CHD9: variants seen among roughly 807,000 people sequenced by gnomAD.
CHD9 encodes the protein chromodomain helicase DNA binding protein 9, also known as ATP-dependent chromatin remodeler CHD9.
CHD9 carries 77 observed loss-of-function variants against 316.1 expected under a neutral mutation model. The observed-to-expected ratio is 0.24, with a 90% CI of 0.20 to 0.29. The LOEUF is 0.29. CHD9 is among the 10% of genes least tolerant of loss of function. CHD9 has a pLI of 1.00. For synonymous variants in CHD9, 1,129 were observed against 1,158.3 expected (o/e 0.97, Z 0.51); for missense variants, 2,763 against 3,438.1 (o/e 0.80, Z 4.91).
At chr16:53,301,767 CTT>C (rs199846098) in intron 30 of CHD9, among the ~76,000 whole-genome samples, 46 of 126,208 alleles carry the variant, frequency 3.6e-4, no homozygotes, top group Middle Eastern at 4.0e-3. Context: ...TCTTTTTTTT[CTT>C]TTTTTTTTTT....
chr16:53,255,976 A>G (rs773459460), intron 19 of CHD9, among the ~76,000 whole-genome samples, 197 bp downstream of exon 19: 2 of 152,220 alleles, frequency 1.3e-5, no homozygotes, highest in Non-Finnish European at 1.5e-5. Flanking sequence ...GTGAAACAGA[A>G]TAAATGTAAT....
At chr16:53,113,175 C>T (rs1024324562) in intron 1 of CHD9, among the ~76,000 whole-genome samples, 5 of 152,004 alleles carry the variant, frequency 3.3e-5, no homozygotes, top group African/African-American at 1.2e-4. Context: ...CAGAGCGAGA[C>T]CTTGTCTCAG....
chr16:53,197,847 G>A (rs549268078), intron 2 of CHD9, among the ~76,000 whole-genome samples: 3 of 151,996 alleles, frequency 2.0e-5, no homozygotes, highest in South Asian at 4.2e-4. Flanking sequence ...TAGTAGACAC[G>A]GGGTTTCACC....
intron 2 of CHD9, among the ~76,000 whole-genome samples, chr16:53,180,868 G>C (rs1597320442): frequency 6.6e-6 from 1 of 151,422 alleles, no homozygotes; most frequent in African/African-American, 2.4e-5. Context: ...ATGGAGACGG[G>C]GTTTCACCGT....
Position 53,156,089 on chromosome 16 carries a change from G to T in CHD9, c.-1G>T. On this transcript the variant is annotated 5_prime_UTR_variant, in exon 2 of 39. Coordinates refer to ENST00000447540, the MANE Select transcript of CHD9 (RefSeq NM_001308319.2). ...GCCCGGATTGTTACAGAATTTTCAA[G>T]ATGACAGATCCAATGATGGACTTTT... 1 of 1,609,454 alleles carries T rather than the reference G, an allele frequency of 6.2e-7. No homozygotes were observed. The highest frequency in any genetic ancestry group is 8.5e-7 in the Non-Finnish European group (1 of 1,177,424).
chr16:53,198,707 CA>C (rs1405789257), intron 2 of CHD9, among the ~76,000 whole-genome samples: 1 of 152,196 alleles, frequency 6.6e-6, no homozygotes, highest in African/African-American at 2.4e-5. Flanking sequence ...AACGGACTGT[CA>C]TGCAGTTCCT....
At chr16:53,314,347 A>G (rs2056719988) in intron 34 of CHD9, 30 bp from the exon 35 acceptor site, 2 of 1,497,060 alleles carry the variant, frequency 1.3e-6, no homozygotes, top group East Asian at 2.4e-5. Flanking sequence ...CTAAATTTGT[A>G]TCACCATTTT....
intron 2 of CHD9, among the ~76,000 whole-genome samples, chr16:53,206,440 A>C (rs991576432): frequency 2.0e-5 from 3 of 152,028 alleles, no homozygotes; most frequent in Non-Finnish European, 4.4e-5. Context: ...CTTTGTCCTC[A>C]AATTAAACTC....
chr16:53,289,739 A>T (rs2054174805), intron 27 of CHD9, among the ~76,000 whole-genome samples: 1 of 152,230 alleles, frequency 6.6e-6, no homozygotes, highest in African/African-American at 2.4e-5. Context: ...AAAGCTCCCA[A>T]GGAAGAGTCC....
intron 1 of CHD9, among the ~76,000 whole-genome samples, chr16:53,079,889 T>G (rs960430102): frequency 1.3e-5 from 2 of 152,204 alleles, no homozygotes; most frequent in African/African-American, 4.8e-5. Flanking sequence ...TTCTGACTTG[T>G]GTCTTTATAG....
chr16:53,250,548 A>C (rs1266259018), intron 17 of CHD9: 3 of 152,416 alleles, frequency 2.0e-5, no homozygotes, highest in Non-Finnish European at 4.4e-5. Context: ...AATAAAATTA[A>C]AATTTCAGAA....
chr16:53,224,513 TTCTA>T (rs1300923536), intron 4 of CHD9, among the ~76,000 whole-genome samples: 1 of 152,182 alleles, frequency 6.6e-6, no homozygotes, highest in African/African-American at 2.4e-5. Flanking sequence ...GTAGCCTTCA[TTCTA>T]TCTGAGTGCA....
intron 1 of CHD9, among the ~76,000 whole-genome samples, chr16:53,115,161 T>A (rs1255904867): frequency 6.6e-6 from 1 of 152,170 alleles, no homozygotes; most frequent in African/African-American, 2.4e-5. Flanking sequence ...CTTGTGATAA[T>A]GAGGCAAATG....
At position 53,156,589 on chromosome 16, in the gene CHD9, C is replaced by T. The variant is rs754400242; in HGVS notation, c.500C>T (p.Ala167Val). 5.6e-5 allele frequency: 91 copies of T among 1,613,782 alleles called. No homozygotes were observed. Among genetic ancestry groups the T allele is most frequent in the Non-Finnish European group, 4.2e-5 (50 of 1,179,884 alleles). Residue 167 changes from alanine (A) to valine (V), a missense_variant, in exon 2 of 39, where the codon GCC (alanine) becomes GTC (valine). Physicochemically the swap from Ala to Val is moderately conservative, Grantham distance 64 (BLOSUM62 0). Around this residue, in one of 15 missense-constraint regions of CHD9, gnomAD observed 859 missense variants for 890.4 expected, o/e 0.96. Coordinates refer to ENST00000447540, the MANE Select transcript of CHD9 (RefSeq NM_001308319.2). Reference sequence around the variant, plus strand: ...CACCATGACTTTGCCTTATTTCAGGCCAATGAACAACAAACACAGTGTACT... The same window carrying T: ...CACCATGACTTTGCCTTATTTCAGGTCAATGAACAACAAACACAGTGTACT... ...VAHHDFALFQANEQQTQCTSL... is the reference protein window; with the variant it reads ...VAHHDFALFQVNEQQTQCTSL...
intron 2 of CHD9, among the ~76,000 whole-genome samples, chr16:53,181,794 A>T (rs527959059): frequency 6.6e-6 from 1 of 152,122 alleles, no homozygotes; most frequent in African/African-American, 2.4e-5. Flanking sequence ...AAATGATAAA[A>T]CAGGGCTGGA....
At chr16:53,312,073 A>G (rs1176697906) in intron 34 of CHD9, 1 of 152,244 alleles carries the variant, frequency 6.6e-6, no homozygotes, top group African/African-American at 2.4e-5. Flanking sequence ...AGGGTAGTAT[A>G]TAATTAAAAT....
intron 2 of CHD9, among the ~76,000 whole-genome samples, chr16:53,179,863 C>T (rs2152803473): frequency 6.6e-6 from 1 of 151,348 alleles, no homozygotes; most frequent in South Asian, 2.1e-4. Flanking sequence ...CACCACTGTA[C>T]CCTACCCTGG....
intron 4 of CHD9, among the ~76,000 whole-genome samples, chr16:53,225,643 G>C (rs1450683096): frequency 1.3e-5 from 2 of 151,988 alleles, no homozygotes; most frequent in Non-Finnish European, 2.9e-5. Context: ...GCTTAGTTTT[G>C]TGTGATGATA....
intron 2 of CHD9, among the ~76,000 whole-genome samples, chr16:53,170,050 T>G (rs200687899): frequency 7.8e-5 from 11 of 140,338 alleles, no homozygotes; most frequent in South Asian, 4.4e-4. Context: ...TTTTTTTTTG[T>G]TTTTTTTTGT....
Sources: gnomAD v4.1 joint callset for allele counts (sites outside exome capture counted in the v4.1 genomes callset) on GRCh38, gnomAD v4.1.1 for gene constraint, gnomAD v4.1.1 regional missense constraint, MANE v1.5 for transcripts, NCBI Gene and HGNC (gene_info 2026-07-23, HGNC 2026-07-21) for gene names.